Variants in GALNT14 observed in about 807,000 individuals in gnomAD.
The protein encoded by GALNT14 is UDP-GalNAc:polypeptide N-acetylgalactosaminyltransferase 14.
GALNT14 carries 60 observed loss-of-function variants against 77.5 expected under a neutral mutation model. The observed-to-expected ratio is 0.77, with a 90% CI of 0.63 to 0.96. GALNT14 has a LOEUF of 0.96. Among genes scored for constraint, GALNT14 ranks in the 40% least tolerant of loss-of-function variants. The pLI is 0.00. For synonymous variants in GALNT14, 280 were observed against 281.7 expected, an observed-to-expected ratio of 0.99 and a Z score of 0.06; for missense variants, 710 against 731.0, an observed-to-expected ratio of 0.97 and a Z score of 0.33.
At chr2:30,965,542 A>G (rs188258048) in intron 3 of GALNT14, among the ~76,000 whole-genome samples, 1 of 151,992 alleles carries the variant, frequency 6.6e-6, no homozygotes, top group African/African-American at 2.4e-5. Flanking sequence ...GTGCAGGTCT[A>G]TGTTCTGAGG....
intron 1 of GALNT14, among the ~76,000 whole-genome samples, chr2:31,124,163 A>T (rs1279470722): frequency 6.6e-6 from 1 of 152,170 alleles, no homozygotes; most frequent in Non-Finnish European, 1.5e-5. Context: ...CTGTCTCCCC[A>T]TGCTTGACAG....
At chr2:30,999,966 C>T (rs903245436) in intron 1 of GALNT14, among the ~76,000 whole-genome samples, 26 of 152,190 alleles carry the variant, frequency 1.7e-4, no homozygotes, top group Admixed American at 1.4e-3. Flanking sequence ...CTATTCTCAC[C>T]GGTTGGAGCC....
chr2:30,893,092 A>C, the GALNT14 span, among the ~76,000 whole-genome samples: 6 of 152,248 alleles, frequency 3.9e-5, no homozygotes, highest in African/African-American at 1.4e-4. Context: ...AAACAAAGAA[A>C]TGAAAAAGAA....
At position 31,122,293 on chromosome 2, in the gene GALNT14, A is replaced by G. The variant is rs537108732; in HGVS notation, c.129+15665T>C. Among the ~76,000 whole-genome samples, 6 of 152,314 alleles carry G rather than the reference A, an allele frequency of 3.9e-5. No individual in the cohort carries two copies. The East Asian group carries it at 9.7e-4, about 25-fold the overall frequency. ...CCGTGATGGTGATACCTGGAAGACT[A>G]CAAGCTCTTCCCACATTACCTGGCA... On this transcript the variant is annotated intron_variant, in intron 1 of 14. Coordinates refer to ENST00000349752, the MANE Select transcript of GALNT14 (RefSeq NM_024572.4).
At chr2:30,923,754 T>C (rs951878809) in intron 13 of GALNT14, among the ~76,000 whole-genome samples, 4 of 152,200 alleles carry the variant, frequency 2.6e-5, no homozygotes, top group African/African-American at 4.8e-5. Context: ...TTCTCCCTCT[T>C]TGCATTTCAC....
intron 1 of GALNT14, among the ~76,000 whole-genome samples, chr2:31,070,041 C>T (rs144750906): frequency 4.6e-5 from 7 of 152,196 alleles, no homozygotes; most frequent in African/African-American, 1.2e-4. Flanking sequence ...CCCCACCCTC[C>T]GAGTCCCATG....
chr2:30,948,900 T>C (rs1251783276), intron 6 of GALNT14, among the ~76,000 whole-genome samples: 2 of 152,164 alleles, frequency 1.3e-5, no homozygotes, highest in Non-Finnish European at 2.9e-5. Flanking sequence ...GTTGCTTACT[T>C]TGGTCACAGA....
chr2:30,930,571 A>G (rs1247768757), intron 10 of GALNT14, among the ~76,000 whole-genome samples: 1 of 152,222 alleles, frequency 6.6e-6, no homozygotes, highest in African/African-American at 2.4e-5. Context: ...GATGTCAGAA[A>G]AGAGTCAGGT....
At chr2:31,068,723 A>G (rs1675154063) in intron 1 of GALNT14, among the ~76,000 whole-genome samples, 1 of 152,148 alleles carries the variant, frequency 6.6e-6, no homozygotes, top group African/African-American at 2.4e-5. Flanking sequence ...AGGCTGGAGG[A>G]CTAATAATAA....
intron 1 of GALNT14, among the ~76,000 whole-genome samples, chr2:31,028,537 C>T (rs955605181): frequency 1.3e-5 from 2 of 152,246 alleles, no homozygotes; most frequent in Admixed American, 1.3e-4. Flanking sequence ...GCCGCCACCA[C>T]CTGCCCTTCC....
At chr2:31,076,783 A>G (rs1411587406) in intron 1 of GALNT14, among the ~76,000 whole-genome samples, 1 of 152,154 alleles carries the variant, frequency 6.6e-6, no homozygotes, top group Non-Finnish European at 1.5e-5. Context: ...TTGTCACCCA[A>G]ACTGGAACAC....
chr2:31,093,606 C>T (rs188552090), intron 1 of GALNT14, among the ~76,000 whole-genome samples: 163 of 152,326 alleles, frequency 1.1e-3, no homozygotes, highest in African/African-American at 3.8e-3. Context: ...ATCGCACTTG[C>T]TTCTCTCCTC....
intron 1 of GALNT14, among the ~76,000 whole-genome samples, 196 bp downstream of exon 1, chr2:31,137,762 C>CA (rs1679292974): frequency 6.6e-6 from 1 of 152,180 alleles, no homozygotes; most frequent in African/African-American, 2.4e-5. Context: ...CACTCATGCA[C>CA]ACCGCGGGTC....
intron 1 of GALNT14, among the ~76,000 whole-genome samples, chr2:31,074,788 A>G (rs575420466): frequency 6.6e-6 from 1 of 152,292 alleles, no homozygotes; most frequent in South Asian, 2.1e-4. Context: ...AAAGCAAATC[A>G]CAGTCAGCCC....
chr2:30,904,939 C>T, the GALNT14 span, among the ~76,000 whole-genome samples: 1 of 151,988 alleles, frequency 6.6e-6, no homozygotes, highest in African/African-American at 2.4e-5. Flanking sequence ...AGGCACCCCC[C>T]AGCAGGGGCA....
rs1553382625 is a variant in GALNT14 at position 31,130,783 on chromosome 2, T to TGC, written c.129+7173_129+7174dup. Among the ~76,000 whole-genome samples, 667 of 118,566 alleles carry TGC rather than the reference T, an allele frequency of 5.6e-3. 12 individuals are homozygous for TGC. The highest frequency in any genetic ancestry group is 0.015 in the African/African-American group (407 of 27,364). 77.8% of individuals were successfully genotyped at this position (118,566 alleles called of 152,430 possible). On this transcript the variant is annotated intron_variant, in intron 1 of 14. Coordinates refer to ENST00000349752, the MANE Select transcript of GALNT14 (RefSeq NM_024572.4). Reference sequence around the variant, plus strand: ...GTGTGTGTGTGTGTGTGTGTGTGTGTGCGCGCGCACCTGTGTGTGTGCCTG... The same window carrying TGC: ...GTGTGTGTGTGTGTGTGTGTGTGTGTGCGCGCGCGCACCTGTGTGTGTGCCTG...
intron 2 of GALNT14, among the ~76,000 whole-genome samples, chr2:30,989,657 A>T (rs1197728265): frequency 7.5e-6 from 1 of 133,914 alleles, no homozygotes; most frequent in African/African-American, 2.7e-5. Flanking sequence ...TATATATTAA[A>T]ATATATATAT....
At chr2:30,915,508 A>G (rs2148205953) in intron 13 of GALNT14, among the ~76,000 whole-genome samples, 1 of 152,326 alleles carries the variant, frequency 6.6e-6, no homozygotes, top group South Asian at 2.1e-4. Flanking sequence ...AGCAGGAAAC[A>G]GGAGCATACA....
chr2:31,059,294 G>A (rs768534972), intron 1 of GALNT14, among the ~76,000 whole-genome samples: 26 of 152,008 alleles, frequency 1.7e-4, no homozygotes, highest in Non-Finnish European at 3.7e-4. Flanking sequence ...AGAAATCACA[G>A]CCCATTTCTA....
Sources: gnomAD v4.1 joint callset for allele counts (sites outside exome capture counted in the v4.1 genomes callset) on GRCh38, gnomAD v4.1.1 for gene constraint, MANE v1.5 for transcripts, NCBI Gene and HGNC (gene_info 2026-07-23, HGNC 2026-07-21) for gene names.